The following ADGRL2 variants were observed in gnomAD, a reference collection of about 807,000 sequenced individuals.
ADGRL2 encodes the protein adhesion G protein-coupled receptor L2, also known as calcium-independent alpha-latrotoxin receptor 2.
ADGRL2 carries 44 observed loss-of-function variants against 157.4 expected under a neutral mutation model. That is an observed-to-expected ratio of 0.28 (90% CI 0.22 to 0.36). The LOEUF (loss-of-function observed/expected upper bound fraction) is 0.36. Ranked by LOEUF, ADGRL2 falls within the 10% of genes least tolerant of loss-of-function variation. The pLI, the probability that ADGRL2 is intolerant of heterozygous loss-of-function variation, is 1.00. For missense variants in ADGRL2, 1,510 were observed against 1,768.9 expected (o/e 0.85, Z 2.63); for synonymous variants, 585 against 624.7 (o/e 0.94, Z 0.95).
At chr1:81,470,989 C>T (rs2078159849) in intron 2 of ADGRL2, among the ~76,000 whole-genome samples, 1 of 152,106 alleles carries the variant, frequency 6.6e-6, no homozygotes, top group Non-Finnish European at 1.5e-5. Context: ...GCTGTGTAAC[C>T]CTCACAAATA....
intron 1 of ADGRL2, among the ~76,000 whole-genome samples, chr1:81,311,437 T>G (rs1659748529): frequency 6.6e-6 from 1 of 152,176 alleles, no homozygotes; most frequent in Non-Finnish European, 1.5e-5. Context: ...ATGGGTCATA[T>G]TCTTGTATTC....
chr1:81,471,781 G>T (rs2078177899), intron 2 of ADGRL2, among the ~76,000 whole-genome samples: 1 of 152,124 alleles, frequency 6.6e-6, no homozygotes. Context: ...AACTGGATAA[G>T]ACCTAAATTT....
chr1:81,709,502 C>T (rs981870776), intron 1 of ADGRL2, among the ~76,000 whole-genome samples: 49 of 151,932 alleles, frequency 3.2e-4, no homozygotes, highest in African/African-American at 1.1e-3. Context: ...ATGACTTTGG[C>T]TTGAAGGAAG....
chr1:81,417,530 G>T (rs1243855724), intron 1 of ADGRL2, among the ~76,000 whole-genome samples: 1 of 152,050 alleles, frequency 6.6e-6, no homozygotes, highest in Non-Finnish European at 1.5e-5. Context: ...TTTTTGGAAT[G>T]GATTATTTCT....
At chr1:81,625,788 C>T (rs75505983) in intron 3 of ADGRL2, 19,135 of 152,146 alleles carry the variant, frequency 0.13, 1,666 homozygotes, top group Non-Finnish European at 0.18. Context: ...ATCAAATAGT[C>T]TACATTAAAA....
At chr1:81,440,755 G>A (rs890641511) in intron 1 of ADGRL2, among the ~76,000 whole-genome samples, 8 of 152,118 alleles carry the variant, frequency 5.3e-5, no homozygotes, top group South Asian at 2.1e-4. Context: ...CTTCTGTGAG[G>A]CTCCAAGTTT....
chr1:81,640,951 C>A (rs1473676556), intron 3 of ADGRL2, among the ~76,000 whole-genome samples: 1 of 152,234 alleles, frequency 6.6e-6, no homozygotes, highest in East Asian at 1.9e-4. Context: ...AGTTATTTTT[C>A]TATTGTTCTG....
intron 1 of ADGRL2, among the ~76,000 whole-genome samples, chr1:81,712,452 C>T (rs550480890): frequency 1.3e-5 from 2 of 152,270 alleles, no homozygotes; most frequent in South Asian, 2.1e-4. Flanking sequence ...TAACATATGA[C>T]TTGGTGACCT....
chr1:81,927,888 T>C (rs1056673253), intron 3 of ADGRL2, among the ~76,000 whole-genome samples: 3 of 152,030 alleles, frequency 2.0e-5, no homozygotes, highest in Non-Finnish European at 4.4e-5. Flanking sequence ...CTGTATAGAA[T>C]AGAAATTTAG....
intron 2 of ADGRL2, among the ~76,000 whole-genome samples, chr1:81,855,075 A>G (rs991973728): frequency 9.2e-5 from 14 of 152,164 alleles, no homozygotes; most frequent in African/African-American, 3.4e-4. Context: ...GGACCAGGGA[A>G]TTAACATAAA....
At chr1:81,739,766 AT>A (rs2085014564) in intron 1 of ADGRL2, among the ~76,000 whole-genome samples, 1 of 152,230 alleles carries the variant, frequency 6.6e-6, no homozygotes, top group Non-Finnish European at 1.5e-5. Flanking sequence ...GAACAGGGGC[AT>A]TCTTAGCTTT....
chr1:81,591,370 C>T (rs1570586672), intron 3 of ADGRL2, among the ~76,000 whole-genome samples: 1 of 152,120 alleles, frequency 6.6e-6, no homozygotes. Context: ...AGAATTTAGC[C>T]TCCTTTAAAG....
intron 2 of ADGRL2, among the ~76,000 whole-genome samples, chr1:81,451,046 C>G (rs934346698): frequency 4.6e-5 from 7 of 152,142 alleles, no homozygotes; most frequent in African/African-American, 1.7e-4. Context: ...ATTTATTATT[C>G]ATTTTCATAT....
chr1:81,561,448 T>G (rs888163258), intron 2 of ADGRL2, among the ~76,000 whole-genome samples: 22 of 151,732 alleles, frequency 1.4e-4, no homozygotes, highest in South Asian at 6.2e-4. Context: ...TCTGTTTTTT[T>G]TTGTTGTTGT....
intron 1 of ADGRL2, among the ~76,000 whole-genome samples, chr1:81,710,537 T>C (rs969918504): frequency 1.3e-5 from 2 of 150,760 alleles, no homozygotes; most frequent in Non-Finnish European, 2.9e-5. Flanking sequence ...TGAAAATCAC[T>C]TGAATCTGGC....
intron 3 of ADGRL2, among the ~76,000 whole-genome samples, chr1:81,632,615 C>T (rs1007488412): frequency 2.6e-5 from 4 of 151,986 alleles, no homozygotes. Flanking sequence ...AAAAATTAGC[C>T]GGATGTGGTG....
At chr1:81,646,824 TG>T (rs1412390653) in intron 3 of ADGRL2, among the ~76,000 whole-genome samples, 1 of 152,180 alleles carries the variant, frequency 6.6e-6, no homozygotes, top group Non-Finnish European at 1.5e-5. Flanking sequence ...CAGCCTCTCT[TG>T]GCCTCAATTT....
intron 1 of ADGRL2, among the ~76,000 whole-genome samples, chr1:81,409,793 G>A (rs1026670656): frequency 6.6e-6 from 1 of 152,186 alleles, no homozygotes; most frequent in African/African-American, 2.4e-5. Context: ...TGTGCAATTT[G>A]TTAGCAAGAA....
At chr1:81,702,984 A>C (rs1349105370) in intron 1 of ADGRL2, among the ~76,000 whole-genome samples, 2 of 152,228 alleles carry the variant, frequency 1.3e-5, no homozygotes, top group African/African-American at 4.8e-5. Context: ...TACAGAGATG[A>C]AGAAAGCATG....
Sources: gnomAD v4.1 joint callset for allele counts (sites outside exome capture counted in the v4.1 genomes callset) on GRCh38, gnomAD v4.1.1 for gene constraint, MANE v1.5 for transcripts, NCBI Gene and HGNC (gene_info 2026-07-23, HGNC 2026-07-21) for gene names.